Variants in TBC1D8B observed in about 807,000 individuals in gnomAD.
TBC1D8B encodes the protein TBC1 domain family member 8B.
A neutral mutation model predicts 82.9 loss-of-function variants in TBC1D8B; 75 were observed. That is an observed-to-expected ratio of 0.90 (90% CI 0.75 to 1.10). The LOEUF (loss-of-function observed/expected upper bound fraction) is 1.10. Ranked by LOEUF, TBC1D8B falls within the 50% of genes least tolerant of loss-of-function variation. The probability of loss-of-function intolerance (pLI) is 0.00; values close to 1 mark genes in which losing one functional copy is unlikely to be tolerated. For missense variants in TBC1D8B, 794 were observed against 796.9 expected (o/e 1.00, Z 0.04); for synonymous variants, 276 against 276.8 (o/e 1.00, Z 0.03).
chrX:106,840,024 G>C, intron 8 of TBC1D8B, 24 bp from the exon 9 acceptor site: 1 of 1,174,467 alleles, frequency 8.5e-7, no homozygotes, highest in Non-Finnish European at 1.1e-6. Flanking sequence ...AAATTTAGTT[G>C]TTTTGATTTT....
intron 1 of TBC1D8B, among the ~76,000 whole-genome samples, chrX:106,809,955 A>G (rs1931318806): frequency 9.0e-6 from 1 of 110,866 alleles, no homozygotes; most frequent in Admixed American, 9.6e-5. Flanking sequence ...TGGCTCAGAC[A>G]GTTGATAAAT....
chrX:106,830,590 A>G (rs1932011366), intron 7 of TBC1D8B, among the ~76,000 whole-genome samples: 1 of 111,037 alleles, frequency 9.0e-6, no homozygotes. Flanking sequence ...TATGGCACAT[A>G]TACACCATGG....
chrX:106,868,912 C>T (rs980645561), intron 18 of TBC1D8B, among the ~76,000 whole-genome samples: 3 of 111,734 alleles, frequency 2.7e-5, no homozygotes, highest in African/African-American at 9.8e-5. Context: ...ATTTTTGTGT[C>T]CTTTAGTTTA....
intron 8 of TBC1D8B, among the ~76,000 whole-genome samples, 153 bp downstream of exon 8, chrX:106,839,610 C>T (rs1932256270): frequency 9.0e-6 from 1 of 111,621 alleles, no homozygotes; most frequent in South Asian, 3.7e-4. Context: ...TATTTAGTTC[C>T]ACTGTACACA....
At chrX:106,856,932 G>A (rs1270137458) in intron 14 of TBC1D8B, among the ~76,000 whole-genome samples, 1 of 109,845 alleles carries the variant, frequency 9.1e-6, no homozygotes, top group Non-Finnish European at 1.9e-5. Flanking sequence ...ATTGATTTGG[G>A]TATGTTGCTT....
intron 17 of TBC1D8B, 97 bp downstream of exon 17, chrX:106,866,959 A>G: frequency 3.4e-6 from 2 of 595,476 alleles, no homozygotes; most frequent in Non-Finnish European, 5.2e-6. Context: ...CTAATTTTCA[A>G]CATGATATAA....
At position 106,840,188 on chromosome X, in the gene TBC1D8B, G is replaced by A. The variant is rs370734738; in HGVS notation, c.1494G>A (p.Met498Ile). ...AAACATTAAGAGGAGAACTCTGGAT[G>A]CTTTTTTCAGGTATTACGTTTATTC... ...IPETLRGELW[M>I]LFSGAVNDMA... The change falls in exon 9 of 21, where the codon ATG becomes ATA. Residue 498 changes from methionine (M) to isoleucine (I), a missense_variant. Transcript: ENST00000357242. 271 of 1,204,196 alleles carry A rather than the reference G, an allele frequency of 2.3e-4. No individual in the cohort carries two copies. Among genetic ancestry groups the A allele is most frequent in the Middle Eastern group, 6.9e-4 (3 of 4,338 alleles).
chrX:106,840,245 C>T (rs745915631), intron 9 of TBC1D8B, 47 bp downstream of exon 9: 11 of 1,120,509 alleles, frequency 9.8e-6, no homozygotes, highest in East Asian at 6.1e-5. Flanking sequence ...TTAACTATGC[C>T]TTTCTAGGAG....
intron 14 of TBC1D8B, among the ~76,000 whole-genome samples, chrX:106,864,997 T>C (rs923769687): frequency 2.7e-5 from 3 of 112,341 alleles, no homozygotes; most frequent in African/African-American, 9.7e-5. Flanking sequence ...CTGTATTTCA[T>C]CAATTCTAGC....
chrX:106,859,567 G>T (rs767663456), intron 14 of TBC1D8B, among the ~76,000 whole-genome samples: 6 of 112,047 alleles, frequency 5.4e-5, no homozygotes, highest in African/African-American at 1.9e-4. Context: ...CTTTGCCAAA[G>T]TTGTTTACTA....
At position 106,866,042 on chromosome X, in the gene TBC1D8B, A is replaced by G. The variant is rs1314723024; in HGVS notation, c.2662+9A>G. 3.4e-6 allele frequency: 4 copies of G among 1,182,889 alleles called. No homozygotes were observed. Among genetic ancestry groups the G allele is most frequent in the Non-Finnish European group, 4.5e-6 (4 of 886,306 alleles). ...ATTCTCCTCTGCAATTGGTAAGATG[A>G]TTTTTTTAAGCAAAAAAAAAAGGTG... On this transcript the variant is annotated intron_variant, in intron 16 of 20. Coordinates refer to ENST00000357242, the MANE Select transcript of TBC1D8B (RefSeq NM_017752.3).
chrX:106,824,392 C>T (rs1234811602), intron 5 of TBC1D8B, among the ~76,000 whole-genome samples: 2 of 111,021 alleles, frequency 1.8e-5, no homozygotes, highest in Non-Finnish European at 3.8e-5. Flanking sequence ...CTTACCTGTT[C>T]CTAAACTATT....
chrX:106,834,503 A>G (rs1932124406), intron 7 of TBC1D8B, among the ~76,000 whole-genome samples: 1 of 110,786 alleles, frequency 9.0e-6, no homozygotes, highest in South Asian at 3.9e-4. Flanking sequence ...ATGTCCTCAT[A>G]TTTCAAAACA....
Position 106,831,797 on chromosome X carries a change from T to C in TBC1D8B, c.1203+4460T>C, listed in dbSNP as rs762658695. ...TCGTTTTTAGAGGTTTTAATAAATATATGTACAAAATACCAGCTAGTATAC... is the reference window on the plus strand; with the variant it reads ...TCGTTTTTAGAGGTTTTAATAAATACATGTACAAAATACCAGCTAGTATAC... On this transcript the variant is annotated intron_variant, in intron 7 of 20. Coordinates refer to ENST00000357242, the MANE Select transcript of TBC1D8B (RefSeq NM_017752.3). Among the ~76,000 whole-genome samples the C allele has an allele frequency of 3.1e-3, 343 of 111,641 alleles. 4 individuals carry two copies. Among genetic ancestry groups the C allele is most frequent in the African/African-American group, 0.011 (336 of 30,885 alleles).
rs1391971859 is a variant in TBC1D8B, at chrX:106,853,645, A to G, written c.2248A>G (p.Asn750Asp). 2 of 1,206,247 alleles carry G rather than the reference A, an allele frequency of 1.7e-6. No homozygotes were observed. Among genetic ancestry groups the G allele is most frequent in the Non-Finnish European group, 2.2e-6 (2 of 891,406 alleles). Reference protein sequence around the residue: ...VDITDLIRESNEKYGNIRYED... With the variant: ...VDITDLIRESDEKYGNIRYED... ...TATTACAGATTTGATTAGAGAATCAAATGAGGTAAGTTTTTTCATGCCATA... is the reference window on the plus strand; with the variant it reads ...TATTACAGATTTGATTAGAGAATCAGATGAGGTAAGTTTTTTCATGCCATA... The change falls in exon 13 of 21, where the codon AAT becomes GAT. Residue 750 changes from asparagine to aspartate, a missense_variant. Physicochemically the swap from Asn to Asp is conservative, Grantham distance 23. Transcript: ENST00000357242.
chrX:106,849,166 C>T, intron 11 of TBC1D8B: 4 of 919,095 alleles, frequency 4.4e-6, no homozygotes, highest in Non-Finnish European at 6.0e-6. Context: ...AATAGGCTTT[C>T]AGGATTGTGG....
rs7879419 is a variant in TBC1D8B at position 106,870,659 on chromosome X, T to A, written c.2870-57T>A. On this transcript the variant is annotated intron_variant, in intron 19 of 20. Transcript: ENST00000357242. Reference sequence around the variant, plus strand: ...TTTAATCATAATTATTATTTTTGAATTTTGGGAAAGTATAGTGGGCTGTTC... The same window carrying A: ...TTTAATCATAATTATTATTTTTGAAATTTGGGAAAGTATAGTGGGCTGTTC... 29,144 of 759,093 alleles carry A rather than the reference T, an allele frequency of 0.038. 5,618 individuals carry two copies. In the African/African-American group the frequency reaches 0.56, roughly 15 times the overall value. 62.6% of individuals were successfully genotyped at this position (759,093 alleles called of 1,213,427 possible).
chrX:106,839,312 C>G lies in TBC1D8B; in HGVS notation c.1208C>G (p.Ala403Gly). 8.7e-7 allele frequency: 1 copy of G among 1,144,441 alleles called. No homozygotes were observed. 94.3% of individuals were successfully genotyped at this position (1,144,441 alleles called of 1,213,427 possible). Residue 403 changes from alanine to glycine, a missense_variant, in exon 8 of 21, where the codon GCT (alanine) becomes GGT (glycine). By Grantham distance (60) the Ala-to-Gly change is moderately conservative. Transcript: ENST00000357242. ...ACTACATTCTTTCTTTTTCAGCTTG[C>G]TATTAGTTCTGAGTCTACAGAGCCA... ...TQYHDISTEL[A>G]ISSESTEPSD...
In TBC1D8B at chrX:106,853,751, G is replaced by A. The variant is rs932611331; in HGVS notation, c.2253+101G>A. On this transcript the variant is annotated intron_variant, in intron 13 of 20. Transcript: ENST00000357242. Reference sequence around the variant, plus strand: ...TATTAAGTGTAAGATAATAATGCAAGTAGACATACAACTTAAAATCCAACT... The same window carrying A: ...TATTAAGTGTAAGATAATAATGCAAATAGACATACAACTTAAAATCCAACT... 7.0e-6 allele frequency: 6 copies of A among 857,868 alleles called. No homozygotes were observed. In the Admixed American group the frequency reaches 1.7e-4, roughly 25 times the overall value. 70.7% of individuals were successfully genotyped at this position (857,868 alleles called of 1,213,427 possible).
Sources: gnomAD v4.1 joint callset for allele counts (sites outside exome capture counted in the v4.1 genomes callset) on GRCh38, gnomAD v4.1.1 for gene constraint, MANE v1.5 for transcripts, NCBI Gene and HGNC (gene_info 2026-07-23, HGNC 2026-07-21) for gene names.